HS6ST2: variants seen among roughly 807,000 people sequenced by gnomAD.
HS6ST2 encodes the protein heparan-sulfate 6-O-sulfotransferase 2.
Under a neutral mutation model 33.0 loss-of-function variants are expected in HS6ST2, and 17 were observed. The observed-to-expected ratio is 0.52, with a 90% CI of 0.35 to 0.77. HS6ST2 has a LOEUF of 0.77. Ranked by LOEUF, HS6ST2 falls within the 30% of genes least tolerant of loss-of-function variation. The pLI is 0.01. For missense variants in HS6ST2, 519 were observed against 551.7 expected (o/e 0.94, Z 0.59); for synonymous variants, 248 against 237.1 (o/e 1.05, Z -0.42).
chrX:132,899,786 C>T (rs1163412458), intron 2 of HS6ST2, among the ~76,000 whole-genome samples: 4 of 111,553 alleles, frequency 3.6e-5, no homozygotes, highest in Non-Finnish European at 5.7e-5. Flanking sequence ...GAAAAAACCA[C>T]ACCATAGCAA....
intron 2 of HS6ST2, among the ~76,000 whole-genome samples, chrX:132,763,214 A>T (rs1033019768): frequency 8.9e-6 from 1 of 111,863 alleles, no homozygotes; most frequent in Non-Finnish European, 1.9e-5. Context: ...GGGGTCAGGG[A>T]TCAGAGATTA....
intron 2 of HS6ST2, among the ~76,000 whole-genome samples, chrX:132,869,760 T>G (rs2066037785): frequency 9.0e-6 from 1 of 111,637 alleles, no homozygotes; most frequent in Non-Finnish European, 1.9e-5. Context: ...ATTGATGGAA[T>G]GTATCTCAAA....
chrX:132,795,768 G>C (rs1424090135), intron 2 of HS6ST2, among the ~76,000 whole-genome samples: 2 of 110,651 alleles, frequency 1.8e-5, no homozygotes, highest in African/African-American at 6.6e-5. Flanking sequence ...CACTATGCCT[G>C]GCTAACTTTT....
intron 3 of HS6ST2, among the ~76,000 whole-genome samples, chrX:132,694,440 T>C (rs1289900340): frequency 1.8e-5 from 2 of 111,196 alleles, no homozygotes; most frequent in Non-Finnish European, 3.8e-5. Flanking sequence ...GCCTGGTATA[T>C]TTAAGGTAAA....
chrX:132,652,684 A>C, intron 4 of HS6ST2, among the ~76,000 whole-genome samples: 1 of 111,129 alleles, frequency 9.0e-6, no homozygotes, highest in South Asian at 3.8e-4. Context: ...AGTCGGTAGC[A>C]ATTGAAAATA....
chrX:132,868,948 GA>G (rs2148427454), intron 2 of HS6ST2, among the ~76,000 whole-genome samples: 1 of 108,430 alleles, frequency 9.2e-6, no homozygotes, highest in Non-Finnish European at 1.9e-5. Context: ...AACTGAAGGA[GA>G]TAGAGAGACG....
At position 132,958,484 on chromosome X, in the gene HS6ST2, G is replaced by C. The variant is rs1481712467; in HGVS notation, c.119C>G (p.Ala40Gly). The C allele has an allele frequency of 2.5e-6, 3 of 1,196,033 alleles. No individual in the cohort carries two copies. Among genetic ancestry groups the C allele is most frequent in the South Asian group, 3.6e-5 (2 of 55,049 alleles). ...RHSRVEAELA[A>G]SRPGSVAASV... ...GGCGGCGACCGACCCGGGCCGGCTC[G>C]CTGCCAATTCGGCCTCTACTCTGGA... Residue 40 changes from alanine to glycine, a missense_variant, in exon 1 of 5, where the codon GCG becomes GGG. Ala to Gly is a moderately conservative substitution (Grantham distance 60). Transcript: ENST00000370833.
chrX:132,783,581 C>G (rs189039891), intron 2 of HS6ST2, among the ~76,000 whole-genome samples: 22 of 111,135 alleles, frequency 2.0e-4, no homozygotes, highest in Non-Finnish European at 3.4e-4. Context: ...CCTGGCAGGG[C>G]AAATTTCCTC....
intron 2 of HS6ST2, among the ~76,000 whole-genome samples, chrX:132,913,021 C>T (rs965883240): frequency 4.5e-5 from 5 of 110,866 alleles, no homozygotes; most frequent in Admixed American, 1.9e-4. Flanking sequence ...AACCAATCAG[C>T]GTGCATCCCC....
chrX:132,780,864 G>A (rs1249359755), intron 2 of HS6ST2, among the ~76,000 whole-genome samples: 3 of 112,012 alleles, frequency 2.7e-5, no homozygotes, highest in Non-Finnish European at 5.6e-5. Context: ...CTAACTAGCT[G>A]AAGCTGAGCC....
intron 2 of HS6ST2, among the ~76,000 whole-genome samples, chrX:132,831,977 TA>T (rs747793395): frequency 1.2e-4 from 13 of 112,104 alleles, no homozygotes; most frequent in Admixed American, 1.9e-4. Context: ...CCAAAAGGTT[TA>T]TGCTACAGGT....
intron 4 of HS6ST2, among the ~76,000 whole-genome samples, chrX:132,659,199 T>C (rs1365272614): frequency 8.9e-6 from 1 of 112,384 alleles, no homozygotes; most frequent in Non-Finnish European, 1.9e-5. Flanking sequence ...CACTAACAGA[T>C]GGTGGCCTGA....
intron 4 of HS6ST2, among the ~76,000 whole-genome samples, chrX:132,636,304 A>G (rs1250076361): frequency 8.9e-6 from 1 of 111,784 alleles, no homozygotes; most frequent in African/African-American, 3.2e-5. Context: ...TAACAGATAT[A>G]CCATTTTATA....
intron 2 of HS6ST2, among the ~76,000 whole-genome samples, chrX:132,734,630 G>T (rs1461463373): frequency 8.9e-6 from 1 of 111,833 alleles, no homozygotes; most frequent in Admixed American, 9.5e-5. Flanking sequence ...ATTCCTGGTT[G>T]TAATAGGCAC....
chrX:132,637,824 A>AT (rs2063562375), intron 4 of HS6ST2, among the ~76,000 whole-genome samples: 1 of 58,159 alleles, frequency 1.7e-5, no homozygotes, highest in African/African-American at 8.2e-5. Flanking sequence ...TTATATATAT[A>AT]ATATTATATA....
At chrX:132,754,735 A>G (rs1367435158) in intron 2 of HS6ST2, among the ~76,000 whole-genome samples, 1 of 106,330 alleles carries the variant, frequency 9.4e-6, no homozygotes, top group Admixed American at 1.0e-4. Context: ...TTTTTTTGAC[A>G]GGATCTTGCT....
At position 132,790,052 on chromosome X, in the gene HS6ST2, A is replaced by G. The variant is rs1298953333; in HGVS notation, c.948-81558T>C. On this transcript the variant is annotated intron_variant, in intron 2 of 4. Coordinates refer to ENST00000370833, the MANE Select transcript of HS6ST2 (RefSeq NM_001394073.1). ...GATAAAGCAACAGCAGAGTTTGAGA[A>G]GATGGACTCCAATTTTGAAAGAAGT... 2.7e-5 allele frequency among the ~76,000 whole-genome samples: 3 copies of G among 112,798 alleles called. No individual in the cohort carries two copies. The Admixed American group carries it at 2.8e-4, about 11-fold the overall frequency.
chrX:132,703,880 C>T (rs1021501946), intron 3 of HS6ST2, among the ~76,000 whole-genome samples: 6 of 111,727 alleles, frequency 5.4e-5, no homozygotes, highest in Admixed American at 3.8e-4. Flanking sequence ...CAATTTGTGA[C>T]ATGTTGCAGA....
intron 3 of HS6ST2, among the ~76,000 whole-genome samples, chrX:132,695,018 T>C (rs1166341472): frequency 9.0e-6 from 1 of 110,612 alleles, no homozygotes. Context: ...AGGAGTGGTG[T>C]GAGAGTTGCA....
Sources: gnomAD v4.1 joint callset for allele counts (sites outside exome capture counted in the v4.1 genomes callset) on GRCh38, gnomAD v4.1.1 for gene constraint, MANE v1.5 for transcripts, NCBI Gene and HGNC (gene_info 2026-07-23, HGNC 2026-07-21) for gene names.